PARD3: variants seen among roughly 807,000 people sequenced by gnomAD.
PARD3 encodes the protein par-3 family cell polarity regulator.
In PARD3, 75 loss-of-function variants were observed where a neutral mutation model predicts 155.4. The ratio of observed to expected loss-of-function variants is 0.48; its 90% CI spans 0.40 to 0.58. PARD3 has a LOEUF of 0.58. PARD3 is among the 20% of genes least tolerant of loss of function. The pLI is 0.00. For missense variants in PARD3, 1,642 were observed against 1,721.7 expected, an observed-to-expected ratio of 0.95 and a Z score of 0.82; for synonymous variants, 576 against 610.5, an observed-to-expected ratio of 0.94 and a Z score of 0.83.
chr10:34,736,362 T>A (rs2094914692), intron 1 of PARD3, among the ~76,000 whole-genome samples: 1 of 146,726 alleles, frequency 6.8e-6, no homozygotes, highest in East Asian at 2.1e-4. Flanking sequence ...AGGGTCTTGC[T>A]CTGTCACCCA....
At chr10:34,550,888 T>G (rs2084496687) in intron 2 of PARD3, among the ~76,000 whole-genome samples, 1 of 152,178 alleles carries the variant, frequency 6.6e-6, no homozygotes, top group South Asian at 2.1e-4. Flanking sequence ...ACAATCCCAA[T>G]CTAAAACATC....
chr10:34,248,053 C>T (rs1262457812), intron 22 of PARD3, among the ~76,000 whole-genome samples: 1 of 152,146 alleles, frequency 6.6e-6, no homozygotes, highest in Non-Finnish European at 1.5e-5. Context: ...CAGTTGCCTA[C>T]AGTTCTTTAA....
intron 22 of PARD3, among the ~76,000 whole-genome samples, chr10:34,212,752 C>A (rs1168428159): frequency 6.6e-6 from 1 of 152,102 alleles, no homozygotes; most frequent in Non-Finnish European, 1.5e-5. Flanking sequence ...GGAGTTCAAC[C>A]TGGTCAGAAA....
At chr10:34,287,385 T>C (rs912657150) in intron 20 of PARD3, among the ~76,000 whole-genome samples, 2 of 152,162 alleles carry the variant, frequency 1.3e-5, no homozygotes, top group African/African-American at 4.8e-5. Context: ...CTGGCTCACA[T>C]TCCTACATCC....
At chr10:34,404,029 AAC>A (rs1250482523) in intron 5 of PARD3, among the ~76,000 whole-genome samples, 1 of 152,148 alleles carries the variant, frequency 6.6e-6, no homozygotes, top group Admixed American at 6.6e-5. Context: ...ACAGTGATAA[AAC>A]AGTCACTGAT....
rs1387675183 is a variant in PARD3, at chr10:34,581,103, T to C, written c.223-63944A>G. On this transcript the variant is annotated intron_variant, in intron 2 of 24. Coordinates refer to ENST00000374788, the MANE Select transcript of PARD3 (RefSeq NM_001184785.2). ...AGCCAATGTTAAACATATCTTGATT[T>C]AGATTCCTTTAAAAGCTCATAATTA... Among the ~76,000 whole-genome samples the C allele has an allele frequency of 4.6e-5, 7 of 152,346 alleles. No individual in the cohort carries two copies. The South Asian group carries it at 8.3e-4, about 18-fold the overall frequency.
chr10:34,360,590 C>T (rs1438619848), intron 12 of PARD3, among the ~76,000 whole-genome samples: 1 of 151,878 alleles, frequency 6.6e-6, no homozygotes, highest in Non-Finnish European at 1.5e-5. Flanking sequence ...ATATTCTAAA[C>T]GACAAGAAAA....
At chr10:34,648,747 T>C (rs533736079) in intron 2 of PARD3, among the ~76,000 whole-genome samples, 50 of 152,264 alleles carry the variant, frequency 3.3e-4, no homozygotes, top group African/African-American at 9.6e-4. Flanking sequence ...GGTCTGCGGG[T>C]TGGGGACCCC....
chr10:34,389,176 C>T (rs775728325), intron 7 of PARD3, among the ~76,000 whole-genome samples: 3 of 138,040 alleles, frequency 2.2e-5, no homozygotes, highest in Non-Finnish European at 4.5e-5. Flanking sequence ...GAATAATTTT[C>T]CTAATACAAA....
intron 1 of PARD3, among the ~76,000 whole-genome samples, chr10:34,812,519 A>G (rs1452116408): frequency 6.6e-6 from 1 of 152,234 alleles, no homozygotes; most frequent in Non-Finnish European, 1.5e-5. Context: ...GAATGGGAAA[A>G]GTAGTAAGAA....
chr10:34,651,523 G>A (rs2093013818), intron 2 of PARD3, among the ~76,000 whole-genome samples: 1 of 152,256 alleles, frequency 6.6e-6, no homozygotes, highest in Non-Finnish European at 1.5e-5. Context: ...GGACAATGAA[G>A]CCAAGGACTG....
At chr10:34,247,068 C>A (rs1954000989) in intron 22 of PARD3, among the ~76,000 whole-genome samples, 2 of 151,688 alleles carry the variant, frequency 1.3e-5, no homozygotes, top group Non-Finnish European at 2.9e-5. Context: ...AGAGCAAGAG[C>A]CTCCTTCCAA....
chr10:34,355,910 G>C (rs1838754465), intron 14 of PARD3, among the ~76,000 whole-genome samples: 1 of 114,298 alleles, frequency 8.7e-6, no homozygotes, highest in Non-Finnish European at 1.6e-5. Context: ...AGGCAACAGA[G>C]TGACACTCCG....
intron 22 of PARD3, among the ~76,000 whole-genome samples, chr10:34,138,525 G>A (rs1185616458): frequency 6.6e-6 from 1 of 152,146 alleles, no homozygotes; most frequent in Non-Finnish European, 1.5e-5. Flanking sequence ...CTGAACTCAA[G>A]GGCTCATTAC....
intron 2 of PARD3, among the ~76,000 whole-genome samples, chr10:34,624,815 G>A (rs117992462): frequency 2.6e-5 from 4 of 152,168 alleles, no homozygotes; most frequent in East Asian, 1.9e-4. Flanking sequence ...CAGGGCCCAC[G>A]TCCCACTGCA....
intron 5 of PARD3, among the ~76,000 whole-genome samples, chr10:34,423,325 TG>T (rs1316500513): frequency 7.2e-5 from 11 of 151,934 alleles, no homozygotes; most frequent in Admixed American, 7.2e-4. Context: ...AGGGGGATGG[TG>T]GGTGGGGATG....
At chr10:34,480,189 C>T (rs769302577) in intron 3 of PARD3, among the ~76,000 whole-genome samples, 14 of 152,200 alleles carry the variant, frequency 9.2e-5, no homozygotes, top group Non-Finnish European at 7.3e-5. Flanking sequence ...CCAGCTCAGA[C>T]GTACTAGTAA....
chr10:34,786,050 C>T (rs1840922693), intron 1 of PARD3, among the ~76,000 whole-genome samples: 1 of 143,962 alleles, frequency 6.9e-6, no homozygotes, highest in South Asian at 2.4e-4. Context: ...CTCTTCTTCA[C>T]TCATGTGTGT....
At chr10:34,219,794 G>T (rs759178528) in intron 22 of PARD3, among the ~76,000 whole-genome samples, 4 of 152,074 alleles carry the variant, frequency 2.6e-5, no homozygotes, top group African/African-American at 4.8e-5. Context: ...TGATTTGCCT[G>T]GTACTAACTA....
Sources: allele counts gnomAD v4.1 joint callset (sites outside exome capture counted in the v4.1 genomes callset), GRCh38; gene constraint gnomAD v4.1.1; transcripts MANE v1.5; gene names NCBI Gene and HGNC (gene_info 2026-07-23, HGNC 2026-07-21).